The following MACROD2 variants were observed in gnomAD, a reference collection of about 807,000 sequenced individuals.
MACROD2 encodes mono-ADP ribosylhydrolase 2, also known as ADP-ribose glycohydrolase MACROD2.
A neutral mutation model predicts 70.4 loss-of-function variants in MACROD2; 36 were observed. The observed-to-expected ratio is 0.51, with a 90% CI of 0.39 to 0.68. The LOEUF is 0.68. MACROD2 is among the 30% of genes least tolerant of loss of function. MACROD2 has a pLI of 0.00. For missense variants in MACROD2, 496 were observed against 538.4 expected, an observed-to-expected ratio of 0.92 and a Z score of 0.78; for synonymous variants, 172 against 178.8, an observed-to-expected ratio of 0.96 and a Z score of 0.30.
intron 5 of MACROD2, among the ~76,000 whole-genome samples, chr20:15,131,715 C>G (rs1393554620): frequency 6.6e-6 from 1 of 151,860 alleles, no homozygotes; most frequent in Non-Finnish European, 1.5e-5. Context: ...AATAGAATGA[C>G]TAAAAACAGA....
intron 8 of MACROD2, among the ~76,000 whole-genome samples, chr20:15,636,072 AAAAG>A (rs1233737966): frequency 8.9e-6 from 1 of 112,680 alleles, no homozygotes; most frequent in African/African-American, 4.1e-5. Context: ...GCTCCCTCTC[AAAAG>A]AAAAAAAAAA....
At position 15,487,419 on chromosome 20, in the gene MACROD2, G is replaced by C. The variant is rs570601811; in HGVS notation, c.572-12355G>C. On this transcript the variant is annotated intron_variant, in intron 7 of 17. Coordinates refer to ENST00000684519, the MANE Select transcript of MACROD2 (RefSeq NM_001351661.2). ...AGTTTTAGGATGATGTCCTCCAGCA[G>C]ATTTTAATTATATCATATAATGTAC... Among the ~76,000 whole-genome samples, 11 of 152,282 alleles carry C rather than the reference G, an allele frequency of 7.2e-5. No homozygotes were observed. In the South Asian group the frequency reaches 1.7e-3, roughly 23 times the overall value.
intron 8 of MACROD2, among the ~76,000 whole-genome samples, chr20:15,551,477 CAT>C (rs1449212068): frequency 2.6e-5 from 4 of 151,824 alleles, no homozygotes; most frequent in African/African-American, 9.7e-5. Flanking sequence ...AGAGAAAAAA[CAT>C]GTACTAAAAC....
intron 5 of MACROD2, among the ~76,000 whole-genome samples, chr20:14,944,335 C>T (rs1288321193): frequency 6.6e-6 from 1 of 152,112 alleles, no homozygotes; most frequent in Non-Finnish European, 1.5e-5. Flanking sequence ...GTATGTGTTA[C>T]CTGGGACAGT....
At chr20:14,824,181 T>G (rs1398224922) in intron 5 of MACROD2, among the ~76,000 whole-genome samples, 2 of 152,146 alleles carry the variant, frequency 1.3e-5, no homozygotes, top group African/African-American at 4.8e-5. Context: ...ACCAATTGTT[T>G]TTGTCAATTC....
chr20:15,943,217 T>C (rs931341740), intron 12 of MACROD2, among the ~76,000 whole-genome samples: 4 of 152,182 alleles, frequency 2.6e-5, no homozygotes, highest in Non-Finnish European at 4.4e-5. Context: ...TTCCAACCAC[T>C]GAGCACTGTA....
chr20:14,201,080 T>G, intron 3 of MACROD2, among the ~76,000 whole-genome samples: 1 of 152,190 alleles, frequency 6.6e-6, no homozygotes, highest in Non-Finnish European at 1.5e-5. Flanking sequence ...GCCTTTCATT[T>G]ATGAGATTAA....
At chr20:15,165,615 CCAAA>C (rs1400079076) in intron 5 of MACROD2, among the ~76,000 whole-genome samples, 4 of 152,118 alleles carry the variant, frequency 2.6e-5, no homozygotes, top group African/African-American at 9.7e-5. Context: ...AAAACTTTCC[CCAAA>C]CAAAGTGACA....
intron 5 of MACROD2, among the ~76,000 whole-genome samples, chr20:15,225,267 A>G (rs939218852): frequency 6.6e-6 from 1 of 152,198 alleles, no homozygotes; most frequent in Non-Finnish European, 1.5e-5. Flanking sequence ...ATGTGTAATG[A>G]TATAAGCTCA....
chr20:15,473,378 A>G (rs995998964), intron 7 of MACROD2, among the ~76,000 whole-genome samples: 1 of 152,204 alleles, frequency 6.6e-6, no homozygotes, highest in Non-Finnish European at 1.5e-5. Context: ...GGCTGGGATT[A>G]TAAGAGGCAA....
chr20:15,772,107 T>A (rs1340095692), intron 8 of MACROD2, among the ~76,000 whole-genome samples: 4,839 of 111,718 alleles, frequency 0.043, 154 homozygotes, highest in African/African-American at 0.059. Context: ...AAAAAATATA[T>A]ATATATATAT....
At chr20:15,785,020 CG>C in intron 8 of MACROD2, among the ~76,000 whole-genome samples, 1 of 151,708 alleles carries the variant, frequency 6.6e-6, no homozygotes, top group South Asian at 2.1e-4. Context: ...GGCATGGTGG[CG>C]GGCGCCTGTA....
At chr20:14,656,689 G>A (rs1463444178) in intron 4 of MACROD2, among the ~76,000 whole-genome samples, 1 of 152,168 alleles carries the variant, frequency 6.6e-6, no homozygotes, top group Non-Finnish European at 1.5e-5. Context: ...GAAATGGCCG[G>A]CCAGTGAATT....
intron 8 of MACROD2, among the ~76,000 whole-genome samples, chr20:15,774,105 A>G (rs963286475): frequency 1.3e-5 from 2 of 152,122 alleles, no homozygotes; most frequent in African/African-American, 4.8e-5. Flanking sequence ...CTTGGAGGTC[A>G]AAGGATTCTG....
At chr20:15,148,175 TA>T (rs1296964589) in intron 5 of MACROD2, among the ~76,000 whole-genome samples, 2 of 151,844 alleles carry the variant, frequency 1.3e-5, no homozygotes, top group South Asian at 2.1e-4. Context: ...CGAGCGGGAT[TA>T]GGGGCGGTGT....
chr20:14,117,514 A>T (rs1202626978), intron 3 of MACROD2, among the ~76,000 whole-genome samples: 1 of 152,194 alleles, frequency 6.6e-6, no homozygotes, highest in African/African-American at 2.4e-5. Context: ...GGCAGATATC[A>T]TGTAGAAACT....
At chr20:15,614,781 A>T (rs954872887) in intron 8 of MACROD2, among the ~76,000 whole-genome samples, 19 of 152,210 alleles carry the variant, frequency 1.2e-4, no homozygotes, top group Non-Finnish European at 4.4e-5. Flanking sequence ...TTTTGATAAC[A>T]TACAGAATAA....
intron 13 of MACROD2, among the ~76,000 whole-genome samples, chr20:15,983,759 A>C (rs760770433): frequency 2.6e-5 from 4 of 152,218 alleles, no homozygotes; most frequent in Non-Finnish European, 5.9e-5. Context: ...CATGTGCACA[A>C]TCATAACAAT....
intron 4 of MACROD2, among the ~76,000 whole-genome samples, chr20:14,515,425 G>A (rs527861447): frequency 4.5e-5 from 6 of 133,166 alleles, no homozygotes; most frequent in East Asian, 2.2e-4. Flanking sequence ...GTATCTATCC[G>A]TAGTTGAATG....
Sources: allele counts gnomAD v4.1 joint callset (sites outside exome capture counted in the v4.1 genomes callset), GRCh38; gene constraint gnomAD v4.1.1; transcripts MANE v1.5; gene names NCBI Gene and HGNC (gene_info 2026-07-23, HGNC 2026-07-21).